Variants in AKAP9 observed in about 807,000 individuals in gnomAD.
AKAP9 encodes A-kinase anchor protein 9.
Under a neutral mutation model 488.5 loss-of-function variants are expected in AKAP9, and 311 were observed. That is an observed-to-expected ratio of 0.64 (90% CI 0.58 to 0.70). The LOEUF (loss-of-function observed/expected upper bound fraction) is 0.70. AKAP9 is among the 30% of genes least tolerant of loss of function. The pLI is 0.00. For synonymous variants in AKAP9, 1,462 were observed against 1,483.5 expected (o/e 0.99, Z 0.33); for missense variants, 4,215 against 4,374.5 (o/e 0.96, Z 1.03).
intron 8 of AKAP9, among the ~76,000 whole-genome samples, chr7:92,005,513 A>C (rs1799712189): frequency 2.0e-5 from 3 of 152,118 alleles, no homozygotes; most frequent in Admixed American, 2.0e-4. Context: ...AGCCATTGGA[A>C]AGTTTTCTCT....
In AKAP9 at chr7:92,052,915, C is replaced by T; in HGVS notation, c.5558C>T (p.Ala1853Val). 6.2e-7 allele frequency: 1 copy of T among 1,613,756 alleles called. No homozygotes were observed. The highest frequency in any genetic ancestry group is 8.5e-7 in the Non-Finnish European group (1 of 1,179,802). Residue 1853 changes from alanine to valine, a missense_variant, in exon 22 of 50, where the codon GCA becomes GTA. Physicochemically the swap from Ala to Val is moderately conservative, Grantham distance 64. This residue lies in a region of AKAP9 where 2,361 missense variants were observed against 2,430.0 expected (regional missense o/e 0.97). Transcript: ENST00000356239. ...AACATTAGCTCTCGACTACAAGCAG[C>T]AGTTGAAAAACTCCTAGAAGCCATA... is the stretch of plus-strand genomic sequence containing the variant. ...MLNISSRLQA[A>V]VEKLLEAISE...
Position 92,101,022 on chromosome 7 carries a change from C to T in AKAP9, c.11063C>T (p.Thr3688Ile), listed in dbSNP as rs1316200860. 6.2e-7 allele frequency: 1 copy of T among 1,614,034 alleles called. No individual in the cohort carries two copies. Among genetic ancestry groups the T allele is most frequent in the Non-Finnish European group, 8.5e-7 (1 of 1,180,020 alleles). ...AELRNDSLLQTLSPDSEHVTL... is the reference protein window; with the variant it reads ...AELRNDSLLQILSPDSEHVTL... ...CTAAGAAATGACTCTTTACTTCAAA[C>T]TCTGAGCCCTGATTCTGAACATGTC... Residue 3688 changes from threonine (T) to isoleucine (I), a missense_variant, in exon 45 of 50, where the codon ACT becomes ATT. By Grantham distance (89) the Thr-to-Ile change is moderately conservative. Around this residue, in one of 5 missense-constraint regions of AKAP9, gnomAD observed 253 missense variants for 266.8 expected, o/e 0.95. Transcript: ENST00000356239.
intron 30 of AKAP9, among the ~76,000 whole-genome samples, chr7:92,078,450 T>C (rs1317045950): frequency 6.6e-6 from 1 of 152,104 alleles, no homozygotes. Flanking sequence ...GGTGAAACTT[T>C]GTCTCTACAA....
chr7:91,942,461 C>T (rs1201841447), intron 1 of AKAP9, among the ~76,000 whole-genome samples: 1 of 152,202 alleles, frequency 6.6e-6, no homozygotes, highest in Non-Finnish European at 1.5e-5. Context: ...ATCAGGGTAT[C>T]TTTAGAAGTC....
At chr7:92,094,348 A>G (rs1393814243) in intron 39 of AKAP9, among the ~76,000 whole-genome samples, 4 of 151,610 alleles carry the variant, frequency 2.6e-5, no homozygotes, top group African/African-American at 7.3e-5. Flanking sequence ...CCTGGCCAAC[A>G]TGGTGAAACC....
intron 1 of AKAP9, among the ~76,000 whole-genome samples, chr7:91,953,818 C>T (rs1043655759): frequency 7.1e-6 from 1 of 141,738 alleles, no homozygotes; most frequent in Non-Finnish European, 1.5e-5. Context: ...CCCCGCCCCC[C>T]ACCACACACA....
At chr7:92,069,186 G>A (rs936423061) in intron 26 of AKAP9, among the ~76,000 whole-genome samples, 4 of 152,132 alleles carry the variant, frequency 2.6e-5, no homozygotes, top group African/African-American at 9.7e-5. Flanking sequence ...CCCAATGACT[G>A]TTTTCAAAAT....
In AKAP9 at chr7:92,077,813, G is replaced by A. The variant is rs1554449451; in HGVS notation, c.6883G>A (p.Asp2295Asn). The A allele has an allele frequency of 6.2e-7, 1 of 1,613,636 alleles. No homozygotes were observed. Among genetic ancestry groups the A allele is most frequent in the Non-Finnish European group, 8.5e-7 (1 of 1,179,840 alleles). The change falls in exon 30 of 50, where the codon GAC (aspartate) becomes AAC (asparagine). Residue 2295 changes from aspartate (D) to asparagine (N), a missense_variant. Physicochemically the swap from Asp to Asn is conservative, Grantham distance 23. Coordinates refer to ENST00000356239, the MANE Select transcript of AKAP9 (RefSeq NM_005751.5). ...QIIQEKEVEI[D>N]QLNEQVTKLQ... ...AATACAGGAAAAAGAGGTAGAAATT[G>A]ACCAATTAAATGAACAAGTTACGAA... is the stretch of plus-strand genomic sequence containing the variant.
At chr7:92,045,310 T>A in intron 21 of AKAP9, 97 bp downstream of exon 21, 1 of 1,218,686 alleles carries the variant, frequency 8.2e-7, no homozygotes, top group Non-Finnish European at 1.2e-6. Flanking sequence ...AGAAAATAAG[T>A]ATTTTCCAGC....
At chr7:91,993,262 C>G (rs1286391478) in intron 5 of AKAP9, among the ~76,000 whole-genome samples, 1 of 151,286 alleles carries the variant, frequency 6.6e-6, no homozygotes, top group Non-Finnish European at 1.5e-5. Context: ...AATCTCGGCC[C>G]ACTGCATCCT....
intron 28 of AKAP9, 43 bp downstream of exon 28, chr7:92,071,052 T>C: frequency 1.3e-6 from 2 of 1,481,698 alleles, no homozygotes; most frequent in Non-Finnish European, 1.9e-6. Flanking sequence ...GTTTGAATTA[T>C]TTTAAATCAG....
At chr7:92,080,523 G>A (rs570516451) in intron 31 of AKAP9, among the ~76,000 whole-genome samples, 5 of 151,954 alleles carry the variant, frequency 3.3e-5, no homozygotes, top group Non-Finnish European at 5.9e-5. Flanking sequence ...CTGTGAACCC[G>A]GGAGGCAGAG....
chr7:91,990,355 C>G (rs2130627449), intron 3 of AKAP9, among the ~76,000 whole-genome samples: 1 of 152,102 alleles, frequency 6.6e-6, no homozygotes, highest in East Asian at 1.9e-4. Context: ...TTATTGTTAA[C>G]TATTAATGAT....
chr7:92,040,170 C>T (rs1165588650), intron 17 of AKAP9, among the ~76,000 whole-genome samples: 4 of 152,132 alleles, frequency 2.6e-5, no homozygotes, highest in Non-Finnish European at 5.9e-5. Flanking sequence ...GAATGTAAAG[C>T]TTTTATCTTC....
chr7:91,943,501 A>G (rs1791056021), intron 1 of AKAP9, among the ~76,000 whole-genome samples: 1 of 152,184 alleles, frequency 6.6e-6, no homozygotes, highest in Non-Finnish European at 1.5e-5. Flanking sequence ...TCTGCTCTCA[A>G]GTTGCTCACT....
intron 2 of AKAP9, among the ~76,000 whole-genome samples, chr7:91,979,766 A>G (rs1796153556): frequency 6.6e-6 from 1 of 152,182 alleles, no homozygotes; most frequent in South Asian, 2.1e-4. Flanking sequence ...GGTAGCATAT[A>G]CTGTGTGGAT....
Position 92,001,056 on chromosome 7 carries a change from T to A in AKAP9, c.1139T>A (p.Leu380Gln). The A allele has an allele frequency of 1.2e-6, 2 of 1,608,986 alleles. No homozygotes were observed. The highest frequency in any genetic ancestry group is 1.7e-6 in the Non-Finnish European group (2 of 1,177,676). The change falls in exon 8 of 50, where the codon CTG becomes CAG. Residue 380 changes from leucine (L) to glutamine (Q), a missense_variant. Around this residue, in one of 5 missense-constraint regions of AKAP9, gnomAD observed 2,361 missense variants for 2,430.0 expected, o/e 0.97. Transcript: ENST00000356239. ...NQEIKNMKLELTNSKQKERQS... is the reference protein window; with the variant it reads ...NQEIKNMKLEQTNSKQKERQS... ...GAAATAAAAAACATGAAATTAGAGCTGACTAATTCTAAGCAAAAAGAAAGA... is the reference window on the plus strand; with the variant it reads ...GAAATAAAAAACATGAAATTAGAGCAGACTAATTCTAAGCAAAAAGAAAGA...
intron 2 of AKAP9, 113 bp from the exon 3 acceptor site, chr7:91,980,176 G>T (rs1364588877): frequency 5.4e-6 from 3 of 556,914 alleles, no homozygotes; most frequent in East Asian, 3.1e-5. Flanking sequence ...TAGTTTTTTA[G>T]TGGTATTTTA....
At chr7:92,091,517 C>G (rs1384678104) in intron 38 of AKAP9, among the ~76,000 whole-genome samples, 2 of 142,036 alleles carry the variant, frequency 1.4e-5, no homozygotes, top group African/African-American at 5.4e-5. Flanking sequence ...ACTTAGGAGG[C>G]AGAGGTTGCA....
Sources: gnomAD v4.1 joint callset for allele counts (sites outside exome capture counted in the v4.1 genomes callset) on GRCh38, gnomAD v4.1.1 for gene constraint, gnomAD v4.1.1 regional missense constraint, MANE v1.5 for transcripts, NCBI Gene and HGNC (gene_info 2026-07-23, HGNC 2026-07-21) for gene names.